MON2: variants seen among roughly 807,000 people sequenced by gnomAD.
MON2 encodes the protein protein MON2 homolog.
Under a neutral mutation model 208.6 loss-of-function variants are expected in MON2, and 84 were observed. The observed-to-expected ratio is 0.40, with a 90% CI of 0.34 to 0.48. MON2 has a LOEUF of 0.48. Ranked by LOEUF, MON2 falls within the 20% of genes least tolerant of loss-of-function variation. MON2 has a pLI of 0.59. For missense variants in MON2, 1,611 were observed against 2,015.4 expected (o/e 0.80, Z 3.84); for synonymous variants, 660 against 694.0 (o/e 0.95, Z 0.77).
At chr12:62,557,962 ATTT>A (rs869193690) in intron 25 of MON2, among the ~76,000 whole-genome samples, 104 of 20,646 alleles carry the variant, frequency 5.0e-3, no homozygotes, top group Middle Eastern at 0.05. Flanking sequence ...ATATATATAT[ATTT>A]TTTTTTTTTT....
At chr12:62,590,830 G>C (rs1405114733) in intron 34 of MON2, among the ~76,000 whole-genome samples, 1 of 152,086 alleles carries the variant, frequency 6.6e-6, no homozygotes, top group Non-Finnish European at 1.5e-5. Flanking sequence ...ACCACGTCTG[G>C]CTAATTTTTG....
intron 7 of MON2, among the ~76,000 whole-genome samples, chr12:62,504,526 C>T (rs1469913017): frequency 3.3e-5 from 5 of 152,086 alleles, no homozygotes; most frequent in Admixed American, 6.6e-5. Flanking sequence ...AGATTACAGG[C>T]GTGGGCCACC....
intron 5 of MON2, among the ~76,000 whole-genome samples, chr12:62,500,101 T>A (rs7298046): frequency 0.67 from 102,390 of 152,014 alleles, 34,738 homozygotes; most frequent in African/African-American, 0.77. Flanking sequence ...TACATTCATA[T>A]CCTCAATAAA....
At chr12:62,469,577 G>C (rs2068684768) in intron 1 of MON2, among the ~76,000 whole-genome samples, 1 of 152,152 alleles carries the variant, frequency 6.6e-6, no homozygotes, top group Non-Finnish European at 1.5e-5. Flanking sequence ...GATCTTGACT[G>C]TGTCATAGGT....
intron 26 of MON2, among the ~76,000 whole-genome samples, chr12:62,563,613 A>G (rs2074272809): frequency 6.6e-6 from 1 of 152,076 alleles, no homozygotes; most frequent in Non-Finnish European, 1.5e-5. Context: ...GCCCATAAAA[A>G]CTTTTTCTTA....
intron 1 of MON2, chr12:62,470,644 A>G (rs1395786868): frequency 3.8e-6 from 3 of 792,436 alleles, no homozygotes; most frequent in Non-Finnish European, 4.8e-6. Context: ...ACAACTCTGA[A>G]GCTTTATGTT....
At chr12:62,584,826 G>C (rs1233149338) in intron 32 of MON2, among the ~76,000 whole-genome samples, 2 of 151,574 alleles carry the variant, frequency 1.3e-5, no homozygotes, top group Non-Finnish European at 2.9e-5. Flanking sequence ...AGCGTGTCTA[G>C]AGAGCAACTG....
intron 8 of MON2, among the ~76,000 whole-genome samples, chr12:62,510,169 C>T (rs1265015669): frequency 1.3e-5 from 2 of 151,900 alleles, no homozygotes; most frequent in African/African-American, 4.8e-5. Context: ...TAATGAAAAA[C>T]CTTCCAACAA....
rs777064968 is a variant in MON2, at chr12:62,566,470, A to G, written c.4323+20A>G. 6.2e-7 allele frequency: 1 copy of G among 1,602,064 alleles called. No homozygotes were observed. Among genetic ancestry groups the G allele is most frequent in the Admixed American group, 1.7e-5 (1 of 58,954 alleles). On this transcript the variant is annotated intron_variant, in intron 29 of 34. Coordinates refer to ENST00000393630, the MANE Select transcript of MON2 (RefSeq NM_015026.3). ...ATTAAGGTATCTTTTTTTCATTTCT[A>G]CACTTTCATTAGATGGTGTGAACAT...
chr12:62,587,873 CA>C (rs1486785714), intron 33 of MON2, 200 bp from the exon 34 acceptor site: 1 of 396,888 alleles, frequency 2.5e-6, no homozygotes, highest in Non-Finnish European at 4.5e-6. Context: ...AGAATAACTA[CA>C]AATTTGATTT....
At chr12:62,574,048 T>C (rs1009186448) in intron 30 of MON2, among the ~76,000 whole-genome samples, 4 of 152,192 alleles carry the variant, frequency 2.6e-5, no homozygotes, top group African/African-American at 7.2e-5. Flanking sequence ...TACTTTGTAC[T>C]ACTTTTTAGA....
intron 5 of MON2, 107 bp from the exon 6 acceptor site, chr12:62,500,676 C>A (rs1189489382): frequency 5.1e-6 from 3 of 585,122 alleles, no homozygotes; most frequent in African/African-American, 2.0e-5. Context: ...ATTATAACTT[C>A]AACTTATATA....
intron 1 of MON2, among the ~76,000 whole-genome samples, chr12:62,474,205 G>A (rs1284849460): frequency 6.8e-6 from 1 of 147,770 alleles, no homozygotes; most frequent in African/African-American, 2.5e-5. Flanking sequence ...TGCAACCTCC[G>A]CCTCCCAGGT....
At chr12:62,538,777 A>G (rs949787526) in intron 19 of MON2, among the ~76,000 whole-genome samples, 10 of 151,994 alleles carry the variant, frequency 6.6e-5, no homozygotes, top group Non-Finnish European at 1.0e-4. Context: ...AAAATAATAT[A>G]ATACAGTTTT....
rs1447718878 is a variant in MON2 at position 62,535,403 on chromosome 12, T to G, written c.1716-122T>G. The G allele has an allele frequency of 1.4e-5, 11 of 772,496 alleles. No individual in the cohort carries two copies. In the East Asian group the frequency reaches 3.1e-4, roughly 22 times the overall value. The allele number at this position is 772,496 out of a possible 1,614,324, so 47.9% of individuals were successfully genotyped here. The stretch of plus-strand genomic sequence containing the variant: ...AATTCCTTCTTAAGTATATTGGTAA[T>G]ATTTTGACAATATTTTTGTATAGAT... On this transcript the variant is annotated intron_variant, in intron 13 of 34. Transcript: ENST00000393630.
chr12:62,586,572 AG>A (rs574260996), intron 33 of MON2, among the ~76,000 whole-genome samples: 49 of 152,314 alleles, frequency 3.2e-4, no homozygotes, highest in South Asian at 1.4e-3. Context: ...AATGCATATT[AG>A]CTATTTGTAT....
intron 1 of MON2, among the ~76,000 whole-genome samples, chr12:62,477,927 G>A (rs1010308461): frequency 2.0e-5 from 3 of 152,218 alleles, no homozygotes; most frequent in African/African-American, 7.2e-5. Flanking sequence ...AAGGTTGGAT[G>A]TAGCCTGAGG....
intron 8 of MON2, among the ~76,000 whole-genome samples, chr12:62,511,952 C>G (rs907738942): frequency 1.3e-5 from 2 of 151,994 alleles, no homozygotes; most frequent in Admixed American, 1.3e-4. Flanking sequence ...AGGCACATCT[C>G]ACATGGCGGC....
intron 8 of MON2, among the ~76,000 whole-genome samples, chr12:62,512,857 C>G (rs568917753): frequency 9.8e-5 from 15 of 152,324 alleles, no homozygotes; most frequent in African/African-American, 3.6e-4. Context: ...GAAATCTAGG[C>G]AGAGGTTTCC....
Sources: allele counts gnomAD v4.1 joint callset (sites outside exome capture counted in the v4.1 genomes callset), GRCh38; gene constraint gnomAD v4.1.1; transcripts MANE v1.5; gene names NCBI Gene and HGNC (gene_info 2026-07-23, HGNC 2026-07-21).